The following DPYD variants were observed in gnomAD, a reference collection of about 807,000 sequenced individuals.
DPYD encodes the protein dihydropyrimidine dehydrogenase [NADP(+)].
DPYD carries 109 observed loss-of-function variants against 116.2 expected under a neutral mutation model. The ratio of observed to expected loss-of-function variants is 0.94; its 90% confidence interval spans 0.80 to 1.10. The LOEUF (loss-of-function observed/expected upper bound fraction) is 1.10, where lower values mean the gene tolerates loss of function less well. DPYD is among the 50% of genes least tolerant of loss of function. DPYD has a pLI of 0.00. For missense variants in DPYD, 1,302 were observed against 1,254.5 expected, an observed-to-expected ratio of 1.04 and a Z score of -0.57; for synonymous variants, 440 against 432.0, an observed-to-expected ratio of 1.02 and a Z score of -0.23.
At chr1:97,386,823 C>G (rs1268723530) in intron 14 of DPYD, among the ~76,000 whole-genome samples, 1 of 151,810 alleles carries the variant, frequency 6.6e-6, no homozygotes, top group African/African-American at 2.4e-5. Context: ...AAAGAGAAAG[C>G]AATTTTTAAA....
At chr1:97,395,918 C>T (rs1672982700) in intron 14 of DPYD, among the ~76,000 whole-genome samples, 1 of 152,056 alleles carries the variant, frequency 6.6e-6, no homozygotes, top group Non-Finnish European at 1.5e-5. Flanking sequence ...TAGCCAGTCC[C>T]TAGCCCACCT....
chr1:97,742,803 C>A (rs1018435009), intron 3 of DPYD, among the ~76,000 whole-genome samples: 3 of 152,038 alleles, frequency 2.0e-5, no homozygotes, highest in African/African-American at 4.8e-5. Flanking sequence ...AATATGCCAA[C>A]TTAAATGTCA....
At chr1:97,487,565 C>T (rs922207033) in intron 13 of DPYD, among the ~76,000 whole-genome samples, 4 of 151,924 alleles carry the variant, frequency 2.6e-5, no homozygotes, top group South Asian at 2.1e-4. Context: ...CCCAGCTACT[C>T]GGGAGGCTGA....
At position 97,164,419 on chromosome 1, in the gene DPYD, C is replaced by A. The variant is rs1221128315; in HGVS notation, c.2622+28650G>T. Among the ~76,000 whole-genome samples the A allele has an allele frequency of 2.0e-5, 3 of 152,040 alleles. No homozygotes were observed. In the East Asian group the frequency reaches 5.8e-4, roughly 29 times the overall value. ...CCTATTCAACATGGTACTGGAATAC[C>A]CGGCCAGAGCAATTAGGCAAGAGAA... On this transcript the variant is annotated intron_variant, in intron 20 of 22. Coordinates refer to ENST00000370192, the MANE Select transcript of DPYD (RefSeq NM_000110.4).
intron 16 of DPYD, among the ~76,000 whole-genome samples, chr1:97,317,615 G>A (rs1405883554): frequency 6.6e-6 from 1 of 151,950 alleles, no homozygotes; most frequent in Non-Finnish European, 1.5e-5. Context: ...GTATTTCAGT[G>A]CTAGACTTAG....
chr1:97,915,427 T>C (rs1184120826), intron 1 of DPYD, among the ~76,000 whole-genome samples: 1 of 152,142 alleles, frequency 6.6e-6, no homozygotes, highest in Non-Finnish European at 1.5e-5. Flanking sequence ...TGTACTAGTG[T>C]AACATTTTAA....
intron 8 of DPYD, among the ~76,000 whole-genome samples, chr1:97,646,721 T>C (rs79164981): frequency 0.021 from 3,157 of 152,230 alleles, 113 homozygotes; most frequent in African/African-American, 0.072. Context: ...ACTCATCATG[T>C]AATGAGCTAA....
chr1:97,761,037 C>T (rs1006699827), intron 3 of DPYD, among the ~76,000 whole-genome samples: 2 of 151,736 alleles, frequency 1.3e-5, no homozygotes, highest in African/African-American at 2.4e-5. Context: ...GTCCAGCCAC[C>T]CCTCGTGTGG....
chr1:97,661,990 CTTTTTTTTTTTT>C (rs374466952), intron 8 of DPYD, among the ~76,000 whole-genome samples: 1 of 116,634 alleles, frequency 8.6e-6, no homozygotes, highest in African/African-American at 3.2e-5. Context: ...TCCAAGTCAA[CTTTTTTTTTTTT>C]TTTTTTTTTT....
chr1:97,785,897 G>T (rs922561623), intron 3 of DPYD, among the ~76,000 whole-genome samples: 13 of 150,942 alleles, frequency 8.6e-5, no homozygotes, highest in Non-Finnish European at 1.5e-4. Context: ...GTTTCACTGT[G>T]TTAGCCAGGA....
chr1:97,172,217 T>C (rs1410836286), intron 20 of DPYD, among the ~76,000 whole-genome samples: 1 of 152,168 alleles, frequency 6.6e-6, no homozygotes, highest in East Asian at 1.9e-4. Flanking sequence ...GAGAAGGAGA[T>C]TTCGATTTTA....
chr1:97,114,171 G>A (rs929906403), intron 20 of DPYD, among the ~76,000 whole-genome samples: 3 of 152,044 alleles, frequency 2.0e-5, no homozygotes, highest in African/African-American at 4.8e-5. Context: ...CCCAGAAAAC[G>A]ATGAGTGACT....
At chr1:97,701,502 T>C (rs949653624) in intron 5 of DPYD, among the ~76,000 whole-genome samples, 1 of 151,724 alleles carries the variant, frequency 6.6e-6, no homozygotes, top group Non-Finnish European at 1.5e-5. Context: ...ACACAGTTGC[T>C]TGCATTTAAT....
intron 5 of DPYD, among the ~76,000 whole-genome samples, chr1:97,705,674 G>C (rs2100988601): frequency 6.6e-6 from 1 of 152,172 alleles, no homozygotes; most frequent in East Asian, 1.9e-4. Context: ...GGGTCAAATG[G>C]TATTTCCAGT....
At chr1:97,299,474 G>T (rs923655528) in intron 18 of DPYD, among the ~76,000 whole-genome samples, 1 of 152,058 alleles carries the variant, frequency 6.6e-6, no homozygotes, top group Non-Finnish European at 1.5e-5. Flanking sequence ...AGGTACCCAT[G>T]AATTTGTTGG....
intron 16 of DPYD, among the ~76,000 whole-genome samples, chr1:97,311,985 T>C (rs975039205): frequency 4.0e-5 from 6 of 151,710 alleles, no homozygotes; most frequent in African/African-American, 1.2e-4. Context: ...GTGGGACATA[T>C]AGGGAGCTTT....
intron 8 of DPYD, among the ~76,000 whole-genome samples, chr1:97,655,042 C>A (rs1034299240): frequency 1.3e-5 from 2 of 152,132 alleles, no homozygotes; most frequent in Admixed American, 1.3e-4. Flanking sequence ...CCACCCCGTC[C>A]CTCTCACAAC....
At position 97,512,829 on chromosome 1, in the gene DPYD, T is replaced by C. The variant is rs894185737; in HGVS notation, c.1740+2897A>G. ...TGATTTCATAACTATATTTTAAATA[T>C]GACTTTACTATCTTTATAAAACATA... On this transcript the variant is annotated intron_variant, in intron 13 of 22. Coordinates refer to ENST00000370192, the MANE Select transcript of DPYD (RefSeq NM_000110.4). Among the ~76,000 whole-genome samples the C allele has an allele frequency of 1.2e-4, 18 of 152,004 alleles. No individual in the cohort carries two copies. In the East Asian group the frequency reaches 3.3e-3, roughly 28 times the overall value.
intron 1 of DPYD, among the ~76,000 whole-genome samples, chr1:97,884,752 A>G (rs1366972358): frequency 1.3e-5 from 2 of 151,960 alleles, no homozygotes; most frequent in African/African-American, 4.8e-5. Context: ...TCCCTTCTAA[A>G]CTGTGAATGT....
Sources: gnomAD v4.1 joint callset for allele counts (sites outside exome capture counted in the v4.1 genomes callset) on GRCh38, gnomAD v4.1.1 for gene constraint, MANE v1.5 for transcripts, NCBI Gene and HGNC (gene_info 2026-07-23, HGNC 2026-07-21) for gene names.